Variants in CLYBL observed in about 807,000 individuals in gnomAD.
The protein encoded by CLYBL is citramalyl-CoA lyase, mitochondrial.
CLYBL carries 31 observed loss-of-function variants against 38.9 expected under a neutral mutation model. The observed-to-expected ratio is 0.80, with a 90% CI of 0.60 to 1.08. The LOEUF (loss-of-function observed/expected upper bound fraction) is 1.08. Ranked by LOEUF, CLYBL falls within the 50% of genes least tolerant of loss-of-function variation. The pLI is 0.00. For missense variants in CLYBL, 434 were observed against 411.6 expected, an observed-to-expected ratio of 1.05 and a Z score of -0.47; for synonymous variants, 171 against 158.6, an observed-to-expected ratio of 1.08 and a Z score of -0.59.
chr13:99,902,825 A>G (rs2052656665), intron 8 of CLYBL, among the ~76,000 whole-genome samples: 1 of 152,194 alleles, frequency 6.6e-6, no homozygotes, highest in African/African-American at 2.4e-5. Context: ...TTTTCTTTTT[A>G]TGAGGAACTT....
intron 2 of CLYBL, among the ~76,000 whole-genome samples, chr13:99,803,317 C>T (rs1230427454): frequency 1.3e-5 from 2 of 152,214 alleles, no homozygotes; most frequent in African/African-American, 4.8e-5. Context: ...AGAACAAAGG[C>T]AACATTGTGG....
At chr13:99,646,896 G>A (rs1228295164) in intron 1 of CLYBL, among the ~76,000 whole-genome samples, 4 of 152,130 alleles carry the variant, frequency 2.6e-5, no homozygotes, top group Admixed American at 1.3e-4. Context: ...CTAGCCCTGC[G>A]ATAGCTACTT....
chr13:99,834,217 G>T (rs191433224), intron 2 of CLYBL, among the ~76,000 whole-genome samples: 1 of 152,216 alleles, frequency 6.6e-6, no homozygotes, highest in Admixed American at 6.5e-5. Context: ...GGGAGCCTTG[G>T]GAGAAAATAA....
chr13:99,722,251 C>G (rs2048404079), intron 1 of CLYBL, among the ~76,000 whole-genome samples: 1 of 152,036 alleles, frequency 6.6e-6, no homozygotes, highest in African/African-American at 2.4e-5. Context: ...GTCTTCTTTC[C>G]CCAGGGGTGT....
At chr13:99,885,866 C>T (rs753156876) in intron 7 of CLYBL, among the ~76,000 whole-genome samples, 1 of 152,082 alleles carries the variant, frequency 6.6e-6, no homozygotes, top group Non-Finnish European at 1.5e-5. Context: ...CTGTTGACCT[C>T]GTAGGTAAGG....
intron 2 of CLYBL, among the ~76,000 whole-genome samples, chr13:99,834,456 T>C (rs922281058): frequency 2.6e-5 from 4 of 152,164 alleles, no homozygotes; most frequent in Non-Finnish European, 5.9e-5. Flanking sequence ...AAGTCAGCAT[T>C]GCAGGGAACA....
intron 1 of CLYBL, among the ~76,000 whole-genome samples, chr13:99,750,930 C>T (rs992308888): frequency 1.9e-4 from 29 of 152,082 alleles, no homozygotes; most frequent in African/African-American, 6.5e-4. Context: ...GATGATATAG[C>T]CACTGTGGAA....
At chr13:99,819,430 AT>A (rs2050532696) in intron 2 of CLYBL, among the ~76,000 whole-genome samples, 2 of 26,670 alleles carry the variant, frequency 7.5e-5, no homozygotes, top group African/African-American at 1.4e-4. Flanking sequence ...ATATATATAT[AT>A]ATATATATAT....
At chr13:99,776,095 C>T (rs1270635762) in intron 2 of CLYBL, among the ~76,000 whole-genome samples, 2 of 150,292 alleles carry the variant, frequency 1.3e-5, no homozygotes, top group Admixed American at 6.6e-5. Flanking sequence ...ACCCAGGAGG[C>T]AGAGCTTGCA....
chr13:99,808,677 A>T (rs904532410), intron 2 of CLYBL, among the ~76,000 whole-genome samples: 2 of 152,220 alleles, frequency 1.3e-5, no homozygotes, highest in Non-Finnish European at 2.9e-5. Context: ...GATATATTCA[A>T]CCTGAAGTAA....
chr13:99,633,291 G>A (rs1566594148), intron 1 of CLYBL, among the ~76,000 whole-genome samples: 1 of 149,560 alleles, frequency 6.7e-6, no homozygotes, highest in Admixed American at 6.7e-5. Flanking sequence ...TGTAATCCCA[G>A]CACTTTGAGA....
In CLYBL at chr13:99,807,458, G is replaced by A. The variant is rs574240671; in HGVS notation, c.249+34448G>A. Among the ~76,000 whole-genome samples, 4 of 152,236 alleles carry A rather than the reference G, an allele frequency of 2.6e-5. 1 individual carries two copies. In the South Asian group the frequency reaches 6.2e-4, roughly 24 times the overall value. The stretch of plus-strand genomic sequence containing the variant: ...CCTAGGTGCCCGCTCACAGATGAAC[G>A]GGCAAACAAAATGCGGTGTCTTTGT... On this transcript the variant is annotated intron_variant, in intron 2 of 8. Coordinates refer to ENST00000339105, the MANE Select transcript of CLYBL (RefSeq NM_206808.5).
chr13:99,770,071 CTTTTCTTTCTTTTTT>C (rs1362074807), intron 1 of CLYBL, among the ~76,000 whole-genome samples: 1 of 131,410 alleles, frequency 7.6e-6, no homozygotes, highest in Non-Finnish European at 1.7e-5. Context: ...CTTTCTTTTT[CTTTTCTTTCTTTTTT>C]TTTTTTTTTT....
intron 1 of CLYBL, among the ~76,000 whole-genome samples, chr13:99,626,999 C>T (rs1455351145): frequency 1.3e-5 from 2 of 150,342 alleles, no homozygotes; most frequent in African/African-American, 4.9e-5. Context: ...TTTCTGTCCA[C>T]GGAGTTCACA....
At chr13:99,734,779 G>A (rs1028056327) in intron 1 of CLYBL, among the ~76,000 whole-genome samples, 3 of 152,094 alleles carry the variant, frequency 2.0e-5, no homozygotes, top group Non-Finnish European at 4.4e-5. Flanking sequence ...TGAATGATTC[G>A]ATGATAGGGA....
At chr13:99,756,015 T>G (rs943456042) in intron 1 of CLYBL, among the ~76,000 whole-genome samples, 1 of 152,216 alleles carries the variant, frequency 6.6e-6, no homozygotes, top group Non-Finnish European at 1.5e-5. Context: ...AGACTTCTTC[T>G]CCACTAACAA....
chr13:99,662,745 CTGAGCAT>C (rs2047427764), intron 1 of CLYBL, among the ~76,000 whole-genome samples: 1 of 152,156 alleles, frequency 6.6e-6, no homozygotes, highest in Non-Finnish European at 1.5e-5. Flanking sequence ...CCCATTCTCA[CTGAGCAT>C]TACACCAGTT....
intron 2 of CLYBL, among the ~76,000 whole-genome samples, chr13:99,845,657 C>G (rs1036879905): frequency 6.6e-6 from 1 of 152,128 alleles, no homozygotes; most frequent in Non-Finnish European, 1.5e-5. Flanking sequence ...ATGACGCAGG[C>G]TCTGCCACTT....
intron 1 of CLYBL, among the ~76,000 whole-genome samples, chr13:99,758,639 C>T (rs2049109471): frequency 6.6e-6 from 1 of 152,162 alleles, no homozygotes. Flanking sequence ...TAAAGCCTTC[C>T]TTCTCCGGAA....
Sources: allele counts gnomAD v4.1 joint callset (sites outside exome capture counted in the v4.1 genomes callset), GRCh38; gene constraint gnomAD v4.1.1; transcripts MANE v1.5; gene names NCBI Gene and HGNC (gene_info 2026-07-23, HGNC 2026-07-21).